Variants in EPG5 observed in about 807,000 individuals in gnomAD.
EPG5 encodes the protein ectopic P-granules 5 autophagy tethering factor.
Under a neutral mutation model 302.7 loss-of-function variants are expected in EPG5, and 159 were observed. The ratio of observed to expected loss-of-function variants is 0.53; its 90% CI spans 0.46 to 0.60. The LOEUF (loss-of-function observed/expected upper bound fraction) is 0.60, where lower values mean the gene tolerates loss of function less well. Ranked by LOEUF, EPG5 falls within the 20% of genes least tolerant of loss-of-function variation. The pLI is 0.00. For synonymous variants in EPG5, 1,158 were observed against 1,136.8 expected, an observed-to-expected ratio of 1.02 and a Z score of -0.37; for missense variants, 2,896 against 3,092.4, an observed-to-expected ratio of 0.94 and a Z score of 1.51.
intron 3 of EPG5, 54 bp downstream of exon 3, chr18:45,952,346 C>A (rs1158274913): frequency 4.4e-6 from 7 of 1,594,426 alleles, no homozygotes; most frequent in Non-Finnish European, 6.0e-6. Flanking sequence ...GGCTATACCC[C>A]TCAATTTTTT....
intron 35 of EPG5, among the ~76,000 whole-genome samples, chr18:45,875,872 T>C (rs896153268): frequency 1.3e-5 from 2 of 152,054 alleles, no homozygotes; most frequent in African/African-American, 2.4e-5. Context: ...CTGGGCAACA[T>C]GGTGAAACCC....
downstream of EPG5, chr18:45,847,581 G>A (rs1235956549): frequency 6.6e-6 from 1 of 152,360 alleles, no homozygotes; most frequent in Non-Finnish European, 1.5e-5. Context: ...CCAACTTGCA[G>A]GAAACAATGA....
At chr18:45,840,664 T>C in the EPG5 span, among the ~76,000 whole-genome samples, 18 of 152,234 alleles carry the variant, frequency 1.2e-4, no homozygotes, top group South Asian at 1.0e-3. Context: ...TCCTGGGTCA[T>C]ACTCTCCTCT....
chr18:45,863,393 T>C lies in EPG5; in HGVS notation c.6766+2222A>G, dbSNP rs571022372. Among the ~76,000 whole-genome samples, 231 of 152,336 alleles carry C rather than the reference T, an allele frequency of 1.5e-3. 1 individual carries two copies. The highest frequency in any genetic ancestry group is 5.3e-3 in the African/African-American group (222 of 41,576). On this transcript the variant is annotated intron_variant, in intron 39 of 43. Transcript: ENST00000282041. ...CATACTTTGGACATTCCTTTTTATC[T>C]CCCTCTACTGACTTGGAAATTGTAC...
chr18:45,870,451 T>C (rs2048844503), intron 36 of EPG5, 116 bp downstream of exon 36: 3 of 778,674 alleles, frequency 3.9e-6, no homozygotes, highest in Admixed American at 3.2e-5. Flanking sequence ...CAACACAGAA[T>C]GTATTCATGG....
intron 29 of EPG5, among the ~76,000 whole-genome samples, chr18:45,887,484 ATTG>A (rs1350956864): frequency 6.6e-6 from 1 of 152,226 alleles, no homozygotes; most frequent in Non-Finnish European, 1.5e-5. Flanking sequence ...TAGTACTGTT[ATTG>A]TTAAGAACAC....
intron 11 of EPG5, 23 bp downstream of exon 11, chr18:45,934,786 C>A: frequency 6.3e-7 from 1 of 1,584,862 alleles, no homozygotes; most frequent in Non-Finnish European, 8.6e-7. Flanking sequence ...GAGCTGGACG[C>A]CGACTGCTCG....
At chr18:45,926,453 CA>C (rs1042489525) in intron 13 of EPG5, among the ~76,000 whole-genome samples, 3 of 151,970 alleles carry the variant, frequency 2.0e-5, no homozygotes, top group African/African-American at 7.3e-5. Flanking sequence ...TGAAATAATC[CA>C]CAATAAAAAA....
At chr18:45,910,814 G>T in intron 22 of EPG5, 72 bp from the exon 23 acceptor site, 1 of 1,218,448 alleles carries the variant, frequency 8.2e-7, no homozygotes, top group Non-Finnish European at 1.2e-6. Flanking sequence ...TAAAATAGCA[G>T]TTAATTAGCA....
chr18:45,837,563 G>C, the EPG5 span: 4 of 1,516,272 alleles, frequency 2.6e-6, no homozygotes, highest in Non-Finnish European at 3.5e-6. Context: ...GGTGAGCGCG[G>C]AGGCAGGCGA....
At chr18:45,812,609 A>G in the EPG5 span, among the ~76,000 whole-genome samples, 1 of 152,158 alleles carries the variant, frequency 6.6e-6, no homozygotes, top group African/African-American at 2.4e-5. Context: ...CTCAGAAATA[A>G]TGTCGCATAT....
chr18:45,816,589 A>G, the EPG5 span, among the ~76,000 whole-genome samples: 1 of 152,198 alleles, frequency 6.6e-6, no homozygotes, highest in Non-Finnish European at 1.5e-5. Flanking sequence ...TACCACTTAC[A>G]TAATGCAGGA....
chr18:45,899,758 T>G (rs557015365), intron 26 of EPG5, among the ~76,000 whole-genome samples, 192 bp from the exon 27 acceptor site: 1 of 152,080 alleles, frequency 6.6e-6, no homozygotes, highest in South Asian at 2.1e-4. Context: ...AAGAGAAAGC[T>G]AAGAAATGAA....
chr18:45,904,258 G>A, intron 24 of EPG5, 141 bp from the exon 25 acceptor site: 1 of 947,754 alleles, frequency 1.1e-6, no homozygotes, highest in Non-Finnish European at 1.5e-6. Flanking sequence ...AGGATAAATT[G>A]CCATTAAAAT....
At chr18:45,901,246 AG>A in intron 25 of EPG5, 79 bp from the exon 26 acceptor site, 1 of 1,262,544 alleles carries the variant, frequency 7.9e-7, no homozygotes, top group Non-Finnish European at 1.1e-6. Flanking sequence ...ACAATTCAGT[AG>A]AATTCCTATC....
At chr18:45,953,895 A>C in intron 2 of EPG5, 1 of 985,152 alleles carries the variant, frequency 1.0e-6, no homozygotes. Context: ...ATCCCTTCTC[A>C]ACCTTGACAC....
chr18:45,917,555 T>C (rs2050060769), intron 17 of EPG5, 124 bp downstream of exon 17: 1 of 1,096,378 alleles, frequency 9.1e-7, no homozygotes, highest in Non-Finnish European at 1.4e-6. Flanking sequence ...CAGAATATTT[T>C]TGCCCCATAA....
At chr18:45,960,756 A>G (rs905601032) in intron 1 of EPG5, among the ~76,000 whole-genome samples, 6 of 152,216 alleles carry the variant, frequency 3.9e-5, no homozygotes, top group African/African-American at 1.4e-4. Flanking sequence ...ACACTGTGAG[A>G]GTGTGTGTAT....
intron 27 of EPG5, 149 bp from the exon 28 acceptor site, chr18:45,890,089 A>T (rs2049308609): frequency 3.6e-6 from 2 of 548,226 alleles, no homozygotes; most frequent in Admixed American, 7.6e-5. Context: ...TAAGATCTTG[A>T]ATTAATTTAT....
Sources: gnomAD v4.1 joint callset for allele counts (sites outside exome capture counted in the v4.1 genomes callset) on GRCh38, gnomAD v4.1.1 for gene constraint, MANE v1.5 for transcripts, NCBI Gene and HGNC (gene_info 2026-07-23, HGNC 2026-07-21) for gene names.